The following RPS6KC1 variants were observed in gnomAD, a reference collection of about 807,000 sequenced individuals.
RPS6KC1 encodes the protein ribosomal protein S6 kinase C1, also known as inactive ribosomal protein S6 kinase delta-1.
Under a neutral mutation model 103.8 loss-of-function variants are expected in RPS6KC1, and 54 were observed. The observed-to-expected ratio is 0.52, with a 90% CI of 0.42 to 0.65. The LOEUF is 0.65. Ranked by LOEUF, RPS6KC1 falls within the 30% of genes least tolerant of loss-of-function variation. The probability of loss-of-function intolerance (pLI) is 0.00; values close to 1 mark genes in which losing one functional copy is unlikely to be tolerated. For missense variants in RPS6KC1, 1,151 were observed against 1,253.8 expected (o/e 0.92, Z 1.24); for synonymous variants, 439 against 438.7 (o/e 1.00, Z -0.01).
chr1:213,819,088 C>T, the RPS6KC1 span: 2 of 152,200 alleles, frequency 1.3e-5, no homozygotes, highest in Admixed American at 6.5e-5. Context: ...CTCTTTCACA[C>T]CTCACAACCA....
At chr1:213,728,963 T>TTTTTTTTTTTTTTG in the RPS6KC1 span, among the ~76,000 whole-genome samples, 1 of 145,042 alleles carries the variant, frequency 6.9e-6, no homozygotes, top group Non-Finnish European at 1.5e-5. Context: ...TTTTTTTTTT[T>TTTTTTTTTTTTTTG]TTACCAGTGG....
At chr1:213,669,624 A>G in the RPS6KC1 span, among the ~76,000 whole-genome samples, 1 of 152,210 alleles carries the variant, frequency 6.6e-6, no homozygotes, top group African/African-American at 2.4e-5. Flanking sequence ...CGGTTGCCAC[A>G]AATCTTCAAT....
the RPS6KC1 span, among the ~76,000 whole-genome samples, chr1:213,787,668 G>T: frequency 7.5e-6 from 1 of 133,844 alleles, no homozygotes; most frequent in East Asian, 1.9e-4. Context: ...GGGATTTATT[G>T]GGGGGAGGGA....
chr1:213,590,752 G>A, the RPS6KC1 span, among the ~76,000 whole-genome samples: 3 of 150,962 alleles, frequency 2.0e-5, no homozygotes, highest in African/African-American at 7.4e-5. Context: ...CTGCCTGTTG[G>A]CAGTGCTCCG....
chr1:213,169,422 G>A (rs1352552756), intron 7 of RPS6KC1, among the ~76,000 whole-genome samples: 2 of 152,078 alleles, frequency 1.3e-5, no homozygotes, highest in Non-Finnish European at 2.9e-5. Flanking sequence ...ACATTATTCT[G>A]CTGATTGATT....
intron 14 of RPS6KC1, among the ~76,000 whole-genome samples, chr1:213,268,665 A>G (rs1443950303): frequency 6.7e-6 from 1 of 150,364 alleles, no homozygotes; most frequent in Non-Finnish European, 1.5e-5. Flanking sequence ...ATTAACATAT[A>G]TAGAAGCAAT....
the RPS6KC1 span, among the ~76,000 whole-genome samples, chr1:213,790,071 C>G: frequency 6.6e-6 from 1 of 152,166 alleles, no homozygotes; most frequent in African/African-American, 2.4e-5. Flanking sequence ...CCTTGGGACA[C>G]AAAGCTGACT....
the RPS6KC1 span, among the ~76,000 whole-genome samples, chr1:213,322,141 A>T: frequency 1.3e-5 from 2 of 152,182 alleles, no homozygotes; most frequent in South Asian, 2.1e-4. Context: ...CCCCATCTCT[A>T]CTAAAAATAC....
the RPS6KC1 span, among the ~76,000 whole-genome samples, chr1:213,305,817 C>G: frequency 6.6e-6 from 1 of 152,234 alleles, no homozygotes; most frequent in African/African-American, 2.4e-5. Context: ...CGTGCCCTCT[C>G]CATTTCCACC....
At chr1:213,563,243 T>C in the RPS6KC1 span, among the ~76,000 whole-genome samples, 15 of 152,290 alleles carry the variant, frequency 9.8e-5, no homozygotes, top group Admixed American at 9.8e-4. Context: ...ATTCTTAAAA[T>C]CTATTTCATC....
chr1:213,588,672 A>G, the RPS6KC1 span, among the ~76,000 whole-genome samples: 4 of 152,146 alleles, frequency 2.6e-5, no homozygotes, highest in Non-Finnish European at 4.4e-5. Flanking sequence ...CATTGAGACA[A>G]TAGCAAGGGG....
chr1:213,154,842 C>T (rs1047866260), intron 6 of RPS6KC1, among the ~76,000 whole-genome samples: 4 of 152,266 alleles, frequency 2.6e-5, no homozygotes, highest in South Asian at 4.2e-4. Context: ...CTGTAGTCAC[C>T]ACAATTGGTA....
chr1:213,222,079 G>A (rs2093847508), intron 8 of RPS6KC1, among the ~76,000 whole-genome samples: 1 of 152,182 alleles, frequency 6.6e-6, no homozygotes, highest in South Asian at 2.1e-4. Flanking sequence ...AGAAATTGAT[G>A]CAGCGACTTC....
the RPS6KC1 span, among the ~76,000 whole-genome samples, chr1:213,456,323 A>G: frequency 6.6e-6 from 1 of 152,152 alleles, no homozygotes; most frequent in Non-Finnish European, 1.5e-5. Context: ...CTTTAATACA[A>G]CAGACTCTTG....
intron 8 of RPS6KC1, among the ~76,000 whole-genome samples, chr1:213,188,535 T>C (rs1431260735): frequency 6.6e-6 from 1 of 152,176 alleles, no homozygotes; most frequent in African/African-American, 2.4e-5. Context: ...TGTTTGTTTG[T>C]TTTTCTATTG....
intron 6 of RPS6KC1, among the ~76,000 whole-genome samples, chr1:213,150,858 C>T (rs1464277866): frequency 6.6e-6 from 1 of 152,168 alleles, no homozygotes. Flanking sequence ...GGTGGCCGGG[C>T]AGAGGGGCTC....
chr1:213,718,407 G>A, the RPS6KC1 span, among the ~76,000 whole-genome samples: 1 of 152,188 alleles, frequency 6.6e-6, no homozygotes, highest in Admixed American at 6.5e-5. Context: ...TGAGCCCTAT[G>A]AGGTTGAGTT....
chr1:213,202,895 CAT>C, intron 8 of RPS6KC1, among the ~76,000 whole-genome samples: 1 of 152,284 alleles, frequency 6.6e-6, no homozygotes, highest in South Asian at 2.1e-4. Context: ...TTAATGGTCT[CAT>C]AGTTTTCTAC....
intron 12 of RPS6KC1, among the ~76,000 whole-genome samples, chr1:213,251,432 C>CG (rs1378588090): frequency 1.3e-5 from 2 of 152,140 alleles, no homozygotes; most frequent in Non-Finnish European, 2.9e-5. Context: ...ATGTAGCACA[C>CG]GCCACCTGTG....
Sources: allele counts gnomAD v4.1 joint callset (sites outside exome capture counted in the v4.1 genomes callset), GRCh38; gene constraint gnomAD v4.1.1; transcripts MANE v1.5; gene names NCBI Gene and HGNC (gene_info 2026-07-23, HGNC 2026-07-21).